MSN: variants seen among roughly 807,000 people sequenced by gnomAD.
MSN encodes moesin, also known as epididymis luminal protein 70.
MSN carries 2 observed loss-of-function variants against 48.0 expected under a neutral mutation model. The ratio of observed to expected loss-of-function variants is 0.04; its 90% CI spans 0.02 to 0.13. The LOEUF (loss-of-function observed/expected upper bound fraction) is 0.13, where lower values mean the gene tolerates loss of function less well. MSN is among the 10% of genes least tolerant of loss of function. The probability of loss-of-function intolerance (pLI) is 1.00; values close to 1 mark genes in which losing one functional copy is unlikely to be tolerated. For synonymous variants in MSN, 146 were observed against 166.9 expected (o/e 0.87, Z 0.97); for missense variants, 267 against 470.1 (o/e 0.57, Z 3.99).
chrX:65,589,862 CTTTCT>C (rs201420165), intron 1 of MSN: 16,359 of 104,397 alleles, frequency 0.16, 4,129 homozygotes, highest in African/African-American at 0.62. Context: ...TTCTTTCTTT[CTTTCT>C]TTTTTTTTTT....
At chrX:65,591,031 AGGCTGTATG>A (rs961290268) in intron 1 of MSN, among the ~76,000 whole-genome samples, 6 of 110,969 alleles carry the variant, frequency 5.4e-5, no homozygotes, top group African/African-American at 2.0e-4. Context: ...GTAGGTGACA[AGGCTGTATG>A]GCAACTCTAT....
At chrX:65,701,471 C>G (rs2071303256) in intron 1 of MSN, among the ~76,000 whole-genome samples, 5 of 112,161 alleles carry the variant, frequency 4.5e-5, no homozygotes, top group Non-Finnish European at 9.4e-5. Context: ...TCTCTCATTT[C>G]AACAGCATCA....
chrX:65,737,439 C>A, intron 10 of MSN, 101 bp downstream of exon 10: 1 of 933,438 alleles, frequency 1.1e-6, no homozygotes. Context: ...CTTTTTAGAG[C>A]AGGCTACCAC....
intron 1 of MSN, among the ~76,000 whole-genome samples, chrX:65,628,185 C>A (rs2070523840): frequency 8.9e-6 from 1 of 112,621 alleles, no homozygotes; most frequent in Non-Finnish European, 1.9e-5. Flanking sequence ...TTTCACAGTG[C>A]CCCAGTAGGG....
chrX:65,664,522 A>T (rs1429847446), upstream of MSN, among the ~76,000 whole-genome samples: 1 of 111,491 alleles, frequency 9.0e-6, no homozygotes, highest in African/African-American at 3.3e-5. Flanking sequence ...TCTGTACATT[A>T]GCTATCTGGC....
chrX:65,706,152 T>C (rs2071359768), intron 1 of MSN, among the ~76,000 whole-genome samples: 1 of 111,324 alleles, frequency 9.0e-6, no homozygotes, highest in African/African-American at 3.3e-5. Flanking sequence ...TTCCCTCTTA[T>C]GGAAAAAAGC....
chrX:65,643,750 T>C (rs2070675508), intron 1 of MSN, among the ~76,000 whole-genome samples: 1 of 111,586 alleles, frequency 9.0e-6, no homozygotes, highest in Non-Finnish European at 1.9e-5. Context: ...CTTGGTCCCC[T>C]GTCAGGTGGG....
At chrX:65,667,460 G>A (rs2070883286), upstream of MSN, among the ~76,000 whole-genome samples, 1 of 110,114 alleles carries the variant, frequency 9.1e-6, no homozygotes, top group Admixed American at 9.5e-5. Flanking sequence ...GGGTCTGGGT[G>A]GGGAGTGGTA....
intron 7 of MSN, 99 bp downstream of exon 7, chrX:65,733,379 T>C (rs1213445061): frequency 3.2e-6 from 2 of 622,904 alleles, no homozygotes; most frequent in Non-Finnish European, 5.2e-6. Flanking sequence ...CTGATGTGTT[T>C]GTGTGTACGT....
chrX:65,622,717 A>G (rs1402665900), intron 1 of MSN, among the ~76,000 whole-genome samples: 2 of 109,618 alleles, frequency 1.8e-5, no homozygotes, highest in African/African-American at 6.6e-5. Flanking sequence ...GGGTTTTGCT[A>G]TGTTGGCCAG....
chrX:65,658,999 C>T (rs1231944656), intron 1 of MSN, among the ~76,000 whole-genome samples: 1 of 108,758 alleles, frequency 9.2e-6, no homozygotes, highest in African/African-American at 3.4e-5. Flanking sequence ...CATGTGCCAC[C>T]GTGCCTAGCT....
chrX:65,610,260 C>T (rs1014803593), intron 1 of MSN, among the ~76,000 whole-genome samples: 1 of 112,068 alleles, frequency 8.9e-6, no homozygotes, highest in Non-Finnish European at 1.9e-5. Context: ...TAACTTCCTA[C>T]TCCCTGCCTC....
At chrX:65,619,991 C>T (rs1188141653) in intron 1 of MSN, among the ~76,000 whole-genome samples, 1 of 111,680 alleles carries the variant, frequency 9.0e-6, no homozygotes, top group Non-Finnish European at 1.9e-5. Flanking sequence ...TGTGCCCCTG[C>T]TGGGGGGTGC....
chrX:65,657,596 A>T (rs1005508729), intron 1 of MSN, among the ~76,000 whole-genome samples: 1 of 111,255 alleles, frequency 9.0e-6, no homozygotes, highest in African/African-American at 3.3e-5. Context: ...CAGGTGAAAA[A>T]CCAGAGAGAA....
At chrX:65,665,810 T>C (rs7050592), upstream of MSN, among the ~76,000 whole-genome samples, 26,474 of 110,756 alleles carry the variant, frequency 0.24, 7,692 homozygotes, top group African/African-American at 0.83. Flanking sequence ...ATAGTGGTCA[T>C]AGGATGAGTT....
intron 1 of MSN, among the ~76,000 whole-genome samples, chrX:65,627,438 A>G (rs2070516885): frequency 9.0e-6 from 1 of 110,956 alleles, no homozygotes; most frequent in African/African-American, 3.3e-5. Flanking sequence ...CACTTCTTAC[A>G]TGGCAGTGGC....
intron 1 of MSN, among the ~76,000 whole-genome samples, chrX:65,706,198 C>A (rs2071360018): frequency 8.9e-6 from 1 of 111,767 alleles, no homozygotes; most frequent in African/African-American, 3.3e-5. Context: ...AGAGGCAAAA[C>A]AGACCAGGAC....
intron 1 of MSN, among the ~76,000 whole-genome samples, chrX:65,640,495 G>A (rs1474439339): frequency 8.9e-6 from 1 of 112,214 alleles, no homozygotes; most frequent in Non-Finnish European, 1.9e-5. Context: ...AGTGAGCCGA[G>A]GTAGTGCCAT....
intron 1 of MSN, among the ~76,000 whole-genome samples, chrX:65,689,875 A>T (rs776604598): frequency 9.0e-6 from 1 of 111,643 alleles, no homozygotes; most frequent in Non-Finnish European, 1.9e-5. Flanking sequence ...TTTCTTGTGG[A>T]CTTGAAGCAA....
Sources: gnomAD v4.1 joint callset for allele counts (sites outside exome capture counted in the v4.1 genomes callset) on GRCh38, gnomAD v4.1.1 for gene constraint, MANE v1.5 for transcripts, NCBI Gene and HGNC (gene_info 2026-07-23, HGNC 2026-07-21) for gene names.